ANKRD11: variants seen among roughly 807,000 people sequenced by gnomAD.
ANKRD11 encodes the protein ankyrin repeat domain-containing protein 11.
In ANKRD11, 17 loss-of-function variants were observed where a neutral mutation model predicts 195.7. The ratio of observed to expected loss-of-function variants is 0.09; its 90% CI spans 0.06 to 0.13. The LOEUF is 0.13. ANKRD11 is among the 10% of genes least tolerant of loss of function. The probability of loss-of-function intolerance (pLI) is 1.00; values close to 1 mark genes in which losing one functional copy is unlikely to be tolerated. For missense variants in ANKRD11, 3,735 were observed against 3,566.1 expected (o/e 1.05, Z -1.21); for synonymous variants, 1,953 against 1,528.1 (o/e 1.28, Z -6.49).
At position 89,281,469 on chromosome 16, in the gene ANKRD11, C is replaced by A. The variant is rs192176841; in HGVS notation, c.5073G>T (p.Ala1691=). 6.2e-7 allele frequency: 1 copy of A among 1,614,082 alleles called. No individual in the cohort carries two copies. Among genetic ancestry groups the A allele is most frequent in the East Asian group, 2.2e-5 (1 of 44,866 alleles). ...GCCGGCTCTGGTCAGGCCTGGGGGA[C>A]GCAGGCAGGACCTCTTTCATGTGAG... ...AGPHMKEVLP[A]SPRPDQSRPT... The change falls in exon 9 of 13, where the codon GCG becomes GCT. Residue 1691 remains alanine (A), a synonymous_variant. Transcript: ENST00000301030. The surrounding 1 kb of genome is among the most constrained non-coding windows in gnomAD (Gnocchi z 5.5).
At chr16:89,304,365 T>C (rs555881576) in intron 4 of ANKRD11, among the ~76,000 whole-genome samples, 44 of 142,832 alleles carry the variant, frequency 3.1e-4, no homozygotes, top group African/African-American at 1.1e-3. Flanking sequence ...TACACAGGCA[T>C]GCACATGCAC....
chr16:89,440,695 T>C (rs1460165445), intron 1 of ANKRD11, among the ~76,000 whole-genome samples: 1 of 151,722 alleles, frequency 6.6e-6, no homozygotes, highest in Non-Finnish European at 1.5e-5. Context: ...CCCCAAAAAA[T>C]CCAACTCACA....
chr16:89,422,653 C>T (rs75300484), intron 1 of ANKRD11, among the ~76,000 whole-genome samples: 3,116 of 152,292 alleles, frequency 0.02, 50 homozygotes, highest in Non-Finnish European at 0.034. Flanking sequence ...CTGCTCTCGA[C>T]GAACAGTCAC....
Position 89,354,164 on chromosome 16 carries a change from A to G in ANKRD11, c.-59-37086T>C, listed in dbSNP as rs8048694. On this transcript the variant is annotated intron_variant, in intron 2 of 12. Transcript: ENST00000301030. Reference sequence around the variant, plus strand: ...ATGCACTGCACAGATGGAGGAAAGTATACCTTTACCCATTCAAATCTTCCA... The same window carrying G: ...ATGCACTGCACAGATGGAGGAAAGTGTACCTTTACCCATTCAAATCTTCCA... Among the ~76,000 whole-genome samples the G allele has an allele frequency of 8.2e-3, 1,245 of 151,812 alleles. 18 individuals are homozygous for G. The highest frequency in any genetic ancestry group is 0.028 in the African/African-American group (1,170 of 41,364).
chr16:89,282,286 G>T lies in ANKRD11; in HGVS notation c.4256C>A (p.Thr1419Asn), dbSNP rs2034321370. 6.2e-7 allele frequency: 1 copy of T among 1,614,024 alleles called. No homozygotes were observed. Among genetic ancestry groups the T allele is most frequent in the East Asian group, 2.2e-5 (1 of 44,884 alleles). The change falls in exon 9 of 13, where the codon ACC (threonine) becomes AAC (asparagine). Residue 1419 changes from threonine to asparagine, a missense_variant. Coordinates refer to ENST00000301030, the MANE Select transcript of ANKRD11 (RefSeq NM_013275.6). The part of the protein sequence containing the change: ...KADIEDELDK[T>N]IELFSTEKKD... Reference sequence around the variant, plus strand: ...CTTTTCGGTAGAAAACAATTCAATGGTTTTATCTAGCTCATCTTCTATGTC... The same window carrying T: ...CTTTTCGGTAGAAAACAATTCAATGTTTTTATCTAGCTCATCTTCTATGTC...
Position 89,285,390 on chromosome 16 carries a change from G to C in ANKRD11, c.1152C>G (p.Pro384=). ...ETKSNSFISI[P]KMEVKSYTKN... ...TAGTGTAACTTTTAACCTCCATTTT[G>C]GGTATAGAGATAAAACTATTGGATT... The change falls in exon 9 of 13, where the codon CCC becomes CCG. Residue 384 remains proline (P), a synonymous_variant. Coordinates refer to ENST00000301030, the MANE Select transcript of ANKRD11 (RefSeq NM_013275.6). The surrounding 1 kb of genome is among the most constrained non-coding windows in gnomAD (Gnocchi z 5.6). 2 of 1,614,072 alleles carry C rather than the reference G, an allele frequency of 1.2e-6. No homozygotes were observed. The highest frequency in any genetic ancestry group is 2.2e-5 in the East Asian group (1 of 44,874).
intron 1 of ANKRD11, among the ~76,000 whole-genome samples, chr16:89,445,105 G>T (rs1347187952): frequency 1.3e-5 from 2 of 152,238 alleles, no homozygotes; most frequent in Non-Finnish European, 2.9e-5. Context: ...CTCACCAACT[G>T]AAGTCCCCAT....
chr16:89,441,230 C>T lies in ANKRD11; in HGVS notation c.-144-22862G>A, dbSNP rs368723826. Among the ~76,000 whole-genome samples, 39 of 151,058 alleles carry T rather than the reference C, an allele frequency of 2.6e-4. 1 individual carries two copies. Among genetic ancestry groups the T allele is most frequent in the African/African-American group, 7.0e-4 (29 of 41,172 alleles). On this transcript the variant is annotated intron_variant, in intron 1 of 12. Coordinates refer to ENST00000301030, the MANE Select transcript of ANKRD11 (RefSeq NM_013275.6). The stretch of plus-strand genomic sequence containing the variant: ...CAGCCTGGGCCACAAAGTGAGACTC[C>T]GTCTCAAAAAAAAAAAAGTTTCCTC...
chr16:89,445,638 A>G (rs1254643538), intron 1 of ANKRD11, among the ~76,000 whole-genome samples: 5 of 152,104 alleles, frequency 3.3e-5, no homozygotes, highest in African/African-American at 7.2e-5. Flanking sequence ...ATATCTCAAC[A>G]TCCTCTTCAA....
rs757596185 is a variant in ANKRD11 at position 89,280,980 on chromosome 16, G to A, written c.5562C>T (p.Asp1854=). 1 of 1,573,956 alleles carries A rather than the reference G, an allele frequency of 6.4e-7. No homozygotes were observed. Residue 1854 remains aspartate (D), a synonymous_variant, in exon 9 of 13, where the codon GAC becomes GAT. Transcript: ENST00000301030. ...CGACTTTGGGCGACGGGAGGCCATA[G>A]TCTGGGGAGTAGTACCCTGGCGACA... ...ACLSPGYYSP[D]YGLPSPKVDA...
At chr16:89,371,584 G>A (rs1020720406) in intron 2 of ANKRD11, among the ~76,000 whole-genome samples, 1 of 152,150 alleles carries the variant, frequency 6.6e-6, no homozygotes, top group Non-Finnish European at 1.5e-5. Flanking sequence ...CCAGGCAGGC[G>A]CCGCTCCCCA....
At position 89,418,308 on chromosome 16, in the gene ANKRD11, C is replaced by T; in HGVS notation, c.-84G>A. The T allele has an allele frequency of 2.2e-6, 1 of 454,066 alleles. No individual in the cohort carries two copies. Among genetic ancestry groups the T allele is most frequent in the Non-Finnish European group, 4.4e-6 (1 of 226,756 alleles). 28.1% of individuals were successfully genotyped at this position (454,066 alleles called of 1,614,324 possible). The stretch of plus-strand genomic sequence containing the variant: ...CCGATTCCATAGCTGAAAGTCAGTG[C>T]TGACGAGGACTGTCTTTTAAATCCA... On this transcript the variant is annotated 5_prime_UTR_variant, in exon 2 of 13. Coordinates refer to ENST00000301030, the MANE Select transcript of ANKRD11 (RefSeq NM_013275.6).
chr16:89,298,254 C>T (rs2035578673), intron 4 of ANKRD11: 1 of 152,310 alleles, frequency 6.6e-6, no homozygotes, highest in South Asian at 2.1e-4. Context: ...CACCCTGGGC[C>T]TCCTTTCCAC....
intron 1 of ANKRD11, among the ~76,000 whole-genome samples, chr16:89,479,962 C>T (rs12932468): frequency 0.66 from 94,925 of 143,816 alleles, 31,613 homozygotes; most frequent in Middle Eastern, 0.86. Flanking sequence ...AAAAAAAAAA[C>T]TAGCCGGGCG....
chr16:89,272,386 C>A (rs2033238510), intron 11 of ANKRD11: 2 of 152,412 alleles, frequency 1.3e-5, no homozygotes, highest in Admixed American at 1.3e-4. Context: ...AGCAATCCCA[C>A]TGCCGGGTAT....
At chr16:89,478,543 G>A (rs142781851) in intron 1 of ANKRD11, among the ~76,000 whole-genome samples, 32 of 152,226 alleles carry the variant, frequency 2.1e-4, no homozygotes, top group Non-Finnish European at 2.2e-4. Flanking sequence ...AAAGCAACCT[G>A]GACATCCTGC....
chr16:89,438,144 C>T (rs537230396), intron 1 of ANKRD11, among the ~76,000 whole-genome samples: 3 of 152,310 alleles, frequency 2.0e-5, no homozygotes, highest in South Asian at 2.1e-4. Flanking sequence ...GAACCGCGTG[C>T]GCAGCCCAGG....
At chr16:89,485,437 T>C (rs1245193274) in intron 1 of ANKRD11, among the ~76,000 whole-genome samples, 3 of 152,078 alleles carry the variant, frequency 2.0e-5, no homozygotes, top group African/African-American at 7.2e-5. Flanking sequence ...GAGGTTGCTA[T>C]GACCCAAGAT....
At chr16:89,428,246 C>T (rs561073276) in intron 1 of ANKRD11, among the ~76,000 whole-genome samples, 6 of 150,016 alleles carry the variant, frequency 4.0e-5, no homozygotes, top group Non-Finnish European at 8.9e-5. Flanking sequence ...AATTCTTTGG[C>T]CGGGCACGGT....
Sources: allele counts gnomAD v4.1 joint callset (sites outside exome capture counted in the v4.1 genomes callset), GRCh38; gene constraint gnomAD v4.1.1; non-coding constraint Gnocchi (gnomAD v3.1); transcripts MANE v1.5; gene names NCBI Gene and HGNC (gene_info 2026-07-23, HGNC 2026-07-21).